The following ALDOB variants were observed in gnomAD, a reference collection of about 807,000 sequenced individuals.
ALDOB encodes aldolase, fructose-bisphosphate B, also known as fructose-bisphosphate aldolase B.
Under a neutral mutation model 41.0 loss-of-function variants are expected in ALDOB, and 39 were observed. The ratio of observed to expected loss-of-function variants is 0.95; its 90% confidence interval spans 0.74 to 1.24. The LOEUF (loss-of-function observed/expected upper bound fraction) is 1.24, where lower values mean the gene tolerates loss of function less well. Ranked by LOEUF, ALDOB falls within the 50% of genes most tolerant of loss-of-function variation. ALDOB has a pLI of 0.00. For missense variants in ALDOB, 530 were observed against 457.3 expected, an observed-to-expected ratio of 1.16 and a Z score of -1.45; for synonymous variants, 175 against 168.8, an observed-to-expected ratio of 1.04 and a Z score of -0.28.
At position 101,428,470 on chromosome 9, in the gene ALDOB, T is replaced by C. The variant is rs1375154842; in HGVS notation, c.378A>G (p.Gln126=). ...CATCTCAGTGGGCAATATCCTTACCTTGAATGGTGGTTTCTTTGTTTGTTC... is the reference window on the plus strand; with the variant it reads ...CATCTCAGTGGGCAATATCCTTACCCTGAATGGTGGTTTCTTTGTTTGTTC... ...LAGTNKETTI[Q]GLDGLSERCA... The change falls in exon 4 of 9, where the codon CAA becomes CAG. Residue 126 remains glutamine, a splice_region_variant and synonymous_variant. Transcript: ENST00000647789. 6.2e-7 allele frequency: 1 copy of C among 1,613,694 alleles called. No individual in the cohort carries two copies. Among genetic ancestry groups the C allele is most frequent in the East Asian group, 2.2e-5 (1 of 44,874 alleles).
At chr9:101,430,248 TGA>T (rs1831198140) in intron 2 of ALDOB, among the ~76,000 whole-genome samples, 1 of 152,110 alleles carries the variant, frequency 6.6e-6, no homozygotes, top group African/African-American at 2.4e-5. Context: ...CTAGCCTCCC[TGA>T]TCTGGTCCTC....
intron 3 of ALDOB, among the ~76,000 whole-genome samples, chr9:101,429,092 A>G (rs1239713437): frequency 5.3e-5 from 8 of 151,978 alleles, no homozygotes; most frequent in Non-Finnish European, 4.4e-5. Context: ...GATAGTTACC[A>G]TTAACAATAA....
chr9:101,429,508 C>A (rs963110062), intron 3 of ALDOB, among the ~76,000 whole-genome samples: 2 of 152,008 alleles, frequency 1.3e-5, no homozygotes, highest in African/African-American at 4.8e-5. Context: ...GAGGTAGATT[C>A]CCATTTTAAG....
At position 101,429,953 on chromosome 9, in the gene ALDOB, G is replaced by T; in HGVS notation, c.126C>A (p.Asn42Lys). The T allele has an allele frequency of 1.2e-6, 2 of 1,614,108 alleles. No individual in the cohort carries two copies. The highest frequency in any genetic ancestry group is 1.7e-6 in the Non-Finnish European group (2 of 1,180,034). The stretch of plus-strand genomic sequence containing the variant: ...TTTCCACCTTGATCCTCTGCAGGCG[G>T]TTCCCCATGGTACCTATGGTGGGAG... ...AADESVGTMG[N>K]RLQRIKVENT... Residue 42 changes from asparagine (N) to lysine (K), a missense_variant, in exon 3 of 9, where the codon AAC becomes AAA. Transcript: ENST00000647789.
chr9:101,431,051 C>T (rs1015093224), intron 1 of ALDOB, among the ~76,000 whole-genome samples, 154 bp from the exon 2 acceptor site: 1 of 152,184 alleles, frequency 6.6e-6, no homozygotes, highest in African/African-American at 2.4e-5. Flanking sequence ...GTTTGTTTTT[C>T]CCCCATCACT....
chr9:101,425,734 G>A (rs1831118973), intron 6 of ALDOB, 107 bp from the exon 7 acceptor site: 1 of 1,271,394 alleles, frequency 7.9e-7, no homozygotes, highest in African/African-American at 1.5e-5. Context: ...ATTCTTATTT[G>A]TTGCTTGGCA....
At chr9:101,432,005 C>T (rs138749478) in intron 1 of ALDOB, among the ~76,000 whole-genome samples, 1,589 of 152,264 alleles carry the variant, frequency 0.01, 14 homozygotes, top group Middle Eastern at 0.034. Context: ...CAAGCTAAGA[C>T]GTAGAGAAGC....
Position 101,421,202 on chromosome 9 carries a change from C to T in ALDOB, c.*607G>A, listed in dbSNP as rs1249161460. 1 of 156,006 alleles carries T rather than the reference C, an allele frequency of 6.4e-6. No individual in the cohort carries two copies. Among genetic ancestry groups the T allele is most frequent in the South Asian group, 1.9e-4 (1 of 5,284 alleles). The allele number at this position is 156,006 out of a possible 1,614,324, so 9.7% of individuals were successfully genotyped here. ...GTCTAGGGTTTCTGATTTAATTGAGCTGGGGTGTGGCCTGAGCATCTCAGT... is the reference window on the plus strand; with the variant it reads ...GTCTAGGGTTTCTGATTTAATTGAGTTGGGGTGTGGCCTGAGCATCTCAGT... On this transcript the variant is annotated 3_prime_UTR_variant, in exon 9 of 9. Coordinates refer to ENST00000647789, the MANE Select transcript of ALDOB (RefSeq NM_000035.4).
chr9:101,430,367 T>G (rs1831199493), intron 2 of ALDOB, among the ~76,000 whole-genome samples: 1 of 152,232 alleles, frequency 6.6e-6, no homozygotes, highest in African/African-American at 2.4e-5. Flanking sequence ...CTCTCCCTTG[T>G]GCCATCCTGA....
chr9:101,423,419 C>G (rs1405373173), intron 8 of ALDOB, among the ~76,000 whole-genome samples: 2 of 152,200 alleles, frequency 1.3e-5, no homozygotes, highest in Admixed American at 6.5e-5. Context: ...CACACTCACT[C>G]TTATTTCAGC....
In ALDOB at chr9:101,427,491, G is replaced by T. The variant is rs760339672; in HGVS notation, c.531C>A (p.Ile177=). Residue 177 remains isoleucine (I), a synonymous_variant, in exon 5 of 9, where the codon ATC becomes ATA. Transcript: ENST00000647789. The part of the protein sequence containing the change: ...NANALARYAS[I]CQQNGLVPIV... ...GGGGAAGGCAGAGCACCTGCTGACA[G>T]ATGCTGGCGTAGCGAGCCAGGGCGT... 7 of 1,614,202 alleles carry T rather than the reference G, an allele frequency of 4.3e-6. No individual in the cohort carries two copies. The South Asian group carries it at 6.6e-5, about 15-fold the overall frequency.
At chr9:101,431,448 A>T (rs1295506402) in intron 1 of ALDOB, among the ~76,000 whole-genome samples, 1 of 152,192 alleles carries the variant, frequency 6.6e-6, no homozygotes, top group East Asian at 1.9e-4. Flanking sequence ...GGTTGGGTGC[A>T]AGTTTCCTTT....
Position 101,426,419 on chromosome 9 carries a change from G to A in ALDOB, c.624+136C>T, listed in dbSNP as rs1041636139. The A allele has an allele frequency of 4.5e-5, 31 of 686,390 alleles. No homozygotes were observed. In the South Asian group the frequency reaches 4.6e-4, roughly 10 times the overall value. 42.5% of individuals were successfully genotyped at this position (686,390 alleles called of 1,614,324 possible). A position where few individuals can be genotyped will look rare whatever the true frequency, so the allele number is the denominator to read the frequency against. ...TGCCAAAAAGGTGAAGGGCTGATGA[G>A]CACCTCCCTACCTTCTCTATGCTAT... is the stretch of plus-strand genomic sequence containing the variant. On this transcript the variant is annotated intron_variant, in intron 6 of 8. Transcript: ENST00000647789.
Position 101,421,719 on chromosome 9 carries a change from T to C in ALDOB, c.*90A>G. 1 of 978,272 alleles carries C rather than the reference T, an allele frequency of 1.0e-6. No homozygotes were observed. The highest frequency in any genetic ancestry group is 1.6e-6 in the Non-Finnish European group (1 of 611,312). The allele number at this position is 978,272 out of a possible 1,614,324, so 60.6% of individuals were successfully genotyped here. A position where few individuals can be genotyped will look rare whatever the true frequency, so the allele number is the denominator to read the frequency against. On this transcript the variant is annotated 3_prime_UTR_variant, in exon 9 of 9. Coordinates refer to ENST00000647789, the MANE Select transcript of ALDOB (RefSeq NM_000035.4). ...TGTATTTCCAGCAGTTCAAATCTAA[T>C]TGTGTCGAATTTCCAGGATTGGAGG...
chr9:101,424,135 C>T (rs549917659), intron 8 of ALDOB, among the ~76,000 whole-genome samples: 1 of 151,964 alleles, frequency 6.6e-6, no homozygotes, highest in Non-Finnish European at 1.5e-5. Context: ...ATTGTTTACC[C>T]GGCTGGGTGT....
Position 101,429,741 on chromosome 9 carries a change from A to C in ALDOB, c.324+14T>G, listed in dbSNP as rs1417821632. The stretch of plus-strand genomic sequence containing the variant: ...AGGACAAAGCAGAAGTGAGGTGTGA[A>C]TGGAGGTGTTCACCTTGATTCCCAC... On this transcript the variant is annotated intron_variant, in intron 3 of 8. Coordinates refer to ENST00000647789, the MANE Select transcript of ALDOB (RefSeq NM_000035.4). The C allele has an allele frequency of 6.2e-7, 1 of 1,613,258 alleles. No homozygotes were observed. Among genetic ancestry groups the C allele is most frequent in the Admixed American group, 1.7e-5 (1 of 60,024 alleles).
chr9:101,428,776 A>T, intron 3 of ALDOB, among the ~76,000 whole-genome samples: 1 of 152,216 alleles, frequency 6.6e-6, no homozygotes. Context: ...AAAGAGAATT[A>T]AGGATACAAC....
chr9:101,427,442 C>G (rs755044774), intron 5 of ALDOB, 40 bp downstream of exon 5: 1 of 1,612,732 alleles, frequency 6.2e-7, no homozygotes. Flanking sequence ...GAAGAAAACT[C>G]TAGCCTACTC....
rs1831113204 is a variant in ALDOB at position 101,425,484 on chromosome 9, A to G, written c.768T>C (p.Ala256=). The change falls in exon 7 of 9, where the codon GCT becomes GCC. Residue 256 remains alanine (A), a synonymous_variant. Coordinates refer to ENST00000647789, the MANE Select transcript of ALDOB (RefSeq NM_000035.4). ...CAGCTGCAGGAACAGTACGGTGGAG[A>G]GCTGTTACGGTGGCCATAGCTACTT... ...PEQVAMATVT[A]LHRTVPAAVP... 1.2e-6 allele frequency: 2 copies of G among 1,614,142 alleles called. No individual in the cohort carries two copies. Among genetic ancestry groups the G allele is most frequent in the East Asian group, 4.5e-5 (2 of 44,850 alleles).
Sources: allele counts gnomAD v4.1 joint callset (sites outside exome capture counted in the v4.1 genomes callset), GRCh38; gene constraint gnomAD v4.1.1; transcripts MANE v1.5; gene names NCBI Gene and HGNC (gene_info 2026-07-23, HGNC 2026-07-21).